IL21R: variants seen among roughly 807,000 people sequenced by gnomAD.
IL21R encodes interleukin 21 receptor.
Under a neutral mutation model 41.3 loss-of-function variants are expected in IL21R, and 14 were observed. The observed-to-expected ratio is 0.34, with a 90% CI of 0.22 to 0.53. IL21R has a LOEUF of 0.53. IL21R is among the 20% of genes least tolerant of loss of function. The probability of loss-of-function intolerance (pLI) is 0.94; values close to 1 mark genes in which losing one functional copy is unlikely to be tolerated. For synonymous variants in IL21R, 286 were observed against 287.6 expected (o/e 0.99, Z 0.05); for missense variants, 588 against 681.6 (o/e 0.86, Z 1.53).
intron 1 of IL21R, among the ~76,000 whole-genome samples, chr16:27,416,604 A>AG (rs1386066367): frequency 6.6e-6 from 1 of 152,162 alleles, no homozygotes; most frequent in Non-Finnish European, 1.5e-5. Flanking sequence ...CTGAAAAAAA[A>AG]TCCTTATTTT....
chr16:27,442,676 C>T (rs569695182), intron 4 of IL21R: 38 of 229,672 alleles, frequency 1.7e-4, no homozygotes, highest in African/African-American at 3.8e-4. Context: ...TGTTTTATTT[C>T]GTCACAGTCC....
chr16:27,444,851 A>G (rs1324827933), intron 6 of IL21R, 132 bp downstream of exon 6: 3 of 861,888 alleles, frequency 3.5e-6, no homozygotes, highest in African/African-American at 3.4e-5. Context: ...TAGCCCTTCA[A>G]TTACATTTCT....
Position 27,446,096 on chromosome 16 carries a change from C to A in IL21R, c.867+8C>A, listed in dbSNP as rs779688440. On this transcript the variant is annotated splice_region_variant and intron_variant, in intron 8 of 8. Coordinates refer to ENST00000337929, the MANE Select transcript of IL21R (RefSeq NM_181078.3). Reference sequence around the variant, plus strand: ...TGCAGCGGAGACTTCAAGGTGAGCTCCCGACCCTGTGATGAGCTCCTCGGA... The same window carrying A: ...TGCAGCGGAGACTTCAAGGTGAGCTACCGACCCTGTGATGAGCTCCTCGGA... 9 of 1,612,130 alleles carry A rather than the reference C, an allele frequency of 5.6e-6. No homozygotes were observed. The highest frequency in any genetic ancestry group is 1.7e-4 in the Middle Eastern group (1 of 6,040).
At chr16:27,409,059 T>C (rs865919464) in intron 1 of IL21R, among the ~76,000 whole-genome samples, 6 of 152,116 alleles carry the variant, frequency 3.9e-5, no homozygotes, top group South Asian at 2.1e-4. Context: ...TTTTCCAAAG[T>C]GGTTGTGTCG....
rs546105423 is a variant in IL21R at position 27,449,210 on chromosome 16, C to T, written c.1544C>T (p.Pro515Leu). 6.2e-6 allele frequency: 10 copies of T among 1,612,708 alleles called. No homozygotes were observed. In the East Asian group the frequency reaches 1.8e-4, roughly 29 times the overall value. The change falls in exon 9 of 9, where the codon CCC becomes CTC. Residue 515 changes from proline to leucine, a missense_variant. Coordinates refer to ENST00000337929, the MANE Select transcript of IL21R (RefSeq NM_181078.3). ...TTCACCAGCCCCGGGGACGAAGGAC[C>T]CCCCCGGAGCTACCTCCGCCAGTGG... The part of the protein sequence containing the change: ...CDFTSPGDEG[P>L]PRSYLRQWVV...
chr16:27,444,747 C>T (rs370347638), intron 6 of IL21R, 28 bp downstream of exon 6: 2 of 1,466,008 alleles, frequency 1.4e-6, no homozygotes, highest in Admixed American at 2.6e-5. Flanking sequence ...ATGGACACCC[C>T]ACTCCTGGTA....
intron 1 of IL21R, among the ~76,000 whole-genome samples, chr16:27,424,079 T>G (rs2087037771): frequency 6.6e-6 from 1 of 152,212 alleles, no homozygotes; most frequent in African/African-American, 2.4e-5. Context: ...TTTTCTCTTC[T>G]TTTTCTTTTT....
intron 1 of IL21R, among the ~76,000 whole-genome samples, chr16:27,420,898 G>A (rs6498028): frequency 0.35 from 53,647 of 151,614 alleles, 9,877 homozygotes; most frequent in East Asian, 0.51. Flanking sequence ...ACAAGGTCAT[G>A]AAGATTTACA....
rs1359524726 is a variant in IL21R, at chr16:27,434,404, T to C, written c.107T>C (p.Ile36Thr). The part of the protein sequence containing the change: ...YTDYLQTVIC[I>T]LEMWNLHPST... ...GATTACCTCCAGACGGTCATCTGCA[T>C]CCTGGAAATGTGGAACCTCCACCCC... Residue 36 changes from isoleucine (I) to threonine (T), a missense_variant, in exon 3 of 9, where the codon ATC becomes ACC. Transcript: ENST00000337929. The C allele has an allele frequency of 1.2e-6, 2 of 1,613,930 alleles. No individual in the cohort carries two copies. Among genetic ancestry groups the C allele is most frequent in the East Asian group, 4.5e-5 (2 of 44,892 alleles).
chr16:27,445,951 G>T, intron 7 of IL21R, 56 bp from the exon 8 acceptor site: 1 of 1,425,776 alleles, frequency 7.0e-7, no homozygotes, highest in African/African-American at 1.4e-5. Context: ...GTCCGAATGG[G>T]AGGCCAGGCT....
chr16:27,410,028 G>T (rs186917861), intron 1 of IL21R, among the ~76,000 whole-genome samples: 1 of 152,216 alleles, frequency 6.6e-6, no homozygotes, highest in African/African-American at 2.4e-5. Flanking sequence ...TGTCTTGTAG[G>T]TTTCTGTGTA....
In IL21R at chr16:27,448,633, C is replaced by A. The variant is rs149097843; in HGVS notation, c.967C>A (p.Arg323=). ...GGAGGTGTACAGCTGCCACCCACCA[C>A]GGAGCCCGGCCAAGAGGCTGCAGCT... ...TLEVYSCHPP[R]SPAKRLQLTE... The change falls in exon 9 of 9, where the codon CGG becomes AGG. Residue 323 remains arginine, a synonymous_variant. Transcript: ENST00000337929. 1.2e-6 allele frequency: 2 copies of A among 1,613,184 alleles called. No individual in the cohort carries two copies. The highest frequency in any genetic ancestry group is 1.7e-6 in the Non-Finnish European group (2 of 1,180,030).
chr16:27,429,138 C>T (rs1181169552), intron 1 of IL21R, among the ~76,000 whole-genome samples: 1 of 152,068 alleles, frequency 6.6e-6, no homozygotes, highest in African/African-American at 2.4e-5. Flanking sequence ...GCAGGAGAAT[C>T]GCTTGAACCT....
chr16:27,436,799 G>A (rs867407429), intron 3 of IL21R, among the ~76,000 whole-genome samples: 3 of 152,104 alleles, frequency 2.0e-5, no homozygotes, highest in Admixed American at 6.5e-5. Context: ...GGGACTGGGC[G>A]AGGTGGCTCA....
intron 1 of IL21R, among the ~76,000 whole-genome samples, chr16:27,411,416 G>A (rs1417923553): frequency 7.2e-6 from 1 of 139,630 alleles, no homozygotes; most frequent in Non-Finnish European, 1.6e-5. Flanking sequence ...GGCATTTGCT[G>A]ATCTTCTTTG....
At chr16:27,429,921 C>T (rs2087139872) in intron 1 of IL21R, 135 bp from the exon 2 acceptor site, 6 of 680,154 alleles carry the variant, frequency 8.8e-6, no homozygotes, top group African/African-American at 3.6e-5. Context: ...TCCACAGGCC[C>T]CTCGGGATCT....
In IL21R at chr16:27,448,733, A is replaced by G. The variant is rs2087531471; in HGVS notation, c.1067A>G (p.Gln356Arg). ...AAGCCCAGCTTCTGGCCGACAGCCC[A>G]GAACTCGGGGGGCTCAGCTTACAGT... Reference protein sequence around the residue: ...VPKPSFWPTAQNSGGSAYSEE... With the variant: ...VPKPSFWPTARNSGGSAYSEE... Residue 356 changes from glutamine to arginine, a missense_variant, in exon 9 of 9, where the codon CAG (glutamine) becomes CGG (arginine). Gln to Arg is a conservative substitution (Grantham distance 43). Transcript: ENST00000337929. 6.2e-7 allele frequency: 1 copy of G among 1,613,514 alleles called. No homozygotes were observed. The highest frequency in any genetic ancestry group is 1.1e-5 in the South Asian group (1 of 91,084).
chr16:27,449,438 A>ATG lies in IL21R; in HGVS notation c.*166_*167dup, dbSNP rs935525065. 9 of 709,766 alleles carry ATG rather than the reference A, an allele frequency of 1.3e-5. No individual in the cohort carries two copies. Among genetic ancestry groups the ATG allele is most frequent in the African/African-American group, 1.8e-5 (1 of 54,630 alleles). The allele number at this position is 709,766 out of a possible 1,614,324, so 44.0% of individuals were successfully genotyped here. A position where few individuals can be genotyped will look rare whatever the true frequency, so the allele number is the denominator to read the frequency against. On this transcript the variant is annotated 3_prime_UTR_variant, in exon 9 of 9. Transcript: ENST00000337929. The stretch of plus-strand genomic sequence containing the variant: ...ACAGTGTCTGTGTGTGTGTGTGCAT[A>ATG]TGTGTGTGTGTGCATATGCATGTGT...
chr16:27,439,786 T>C (rs774165576), intron 4 of IL21R, among the ~76,000 whole-genome samples: 14 of 152,152 alleles, frequency 9.2e-5, no homozygotes, highest in Non-Finnish European at 1.8e-4. Context: ...TGGTCCCAGC[T>C]GGGGCAGGAA....
Sources: allele counts gnomAD v4.1 joint callset (sites outside exome capture counted in the v4.1 genomes callset), GRCh38; gene constraint gnomAD v4.1.1; transcripts MANE v1.5; gene names NCBI Gene and HGNC (gene_info 2026-07-23, HGNC 2026-07-21).